SSBP2: variants seen among roughly 807,000 people sequenced by gnomAD.
SSBP2 encodes single-stranded DNA-binding protein 2.
In SSBP2, 17 loss-of-function variants were observed where a neutral mutation model predicts 61.8. That is an observed-to-expected ratio of 0.28 (90% confidence interval 0.19 to 0.41). The LOEUF is 0.41. Among genes scored for constraint, SSBP2 ranks in the 10% least tolerant of loss-of-function variants. The pLI, the probability that SSBP2 is intolerant of heterozygous loss-of-function variation, is 1.00. For missense variants in SSBP2, 310 were observed against 458.7 expected, an observed-to-expected ratio of 0.68 and a Z score of 2.96; for synonymous variants, 139 against 141.3, an observed-to-expected ratio of 0.98 and a Z score of 0.12.
intron 4 of SSBP2, among the ~76,000 whole-genome samples, chr5:81,527,664 G>A (rs974057769): frequency 6.6e-6 from 1 of 151,844 alleles, no homozygotes; most frequent in African/African-American, 2.4e-5. Context: ...TTGACTTTGT[G>A]TGTTAAATTA....
In SSBP2 at chr5:81,581,010, A is replaced by G. The variant is rs190327342; in HGVS notation, c.282+34463T>C. Among the ~76,000 whole-genome samples, 167 of 152,332 alleles carry G rather than the reference A, an allele frequency of 1.1e-3. 1 individual carries two copies. The highest frequency in any genetic ancestry group is 4.0e-3 in the African/African-American group (167 of 41,598). ...TACAAAATATTCTGCTTTTCTAATG[A>G]CAGCATCAAAGAATCCAAGAGAAAG... is the stretch of plus-strand genomic sequence containing the variant. On this transcript the variant is annotated intron_variant, in intron 4 of 16. Coordinates refer to ENST00000320672, the MANE Select transcript of SSBP2 (RefSeq NM_012446.5).
chr5:81,667,154 AT>A (rs1172665080), intron 1 of SSBP2, among the ~76,000 whole-genome samples: 1 of 152,192 alleles, frequency 6.6e-6, no homozygotes, highest in East Asian at 1.9e-4. Context: ...CTCAGGGCAA[AT>A]TCCAGAACAC....
chr5:81,653,998 G>GT (rs144058292), intron 1 of SSBP2, among the ~76,000 whole-genome samples: 50,989 of 146,270 alleles, frequency 0.35, 10,812 homozygotes, highest in Middle Eastern at 0.62. Context: ...TTTTTGTTTT[G>GT]TTTTTTTTTT....
At chr5:81,552,283 A>C (rs1391566359) in intron 4 of SSBP2, among the ~76,000 whole-genome samples, 1 of 152,212 alleles carries the variant, frequency 6.6e-6, no homozygotes, top group Non-Finnish European at 1.5e-5. Flanking sequence ...TAAGAAGTAG[A>C]GTGAACCTAA....
At chr5:81,693,968 T>G (rs1425625404) in intron 1 of SSBP2, among the ~76,000 whole-genome samples, 2 of 151,996 alleles carry the variant, frequency 1.3e-5, no homozygotes, top group Non-Finnish European at 2.9e-5. Context: ...GAAAATATGG[T>G]GCATATACAG....
chr5:81,501,031 T>A (rs1256955440), intron 5 of SSBP2, among the ~76,000 whole-genome samples: 3 of 149,222 alleles, frequency 2.0e-5, no homozygotes, highest in Non-Finnish European at 4.5e-5. Flanking sequence ...CTGGCCAACA[T>A]GGTGAAACCC....
intron 14 of SSBP2, 131 bp from the exon 15 acceptor site, chr5:81,437,589 T>G: frequency 1.3e-6 from 1 of 760,740 alleles, no homozygotes; most frequent in Non-Finnish European, 2.1e-6. Context: ...TTTTTAAATC[T>G]GAAAAAATTC....
At chr5:81,467,466 G>A (rs997197504) in intron 8 of SSBP2, among the ~76,000 whole-genome samples, 2 of 151,712 alleles carry the variant, frequency 1.3e-5, no homozygotes, top group Admixed American at 6.6e-5. Context: ...CAAAACAGGT[G>A]AACCCAACAC....
intron 4 of SSBP2, among the ~76,000 whole-genome samples, chr5:81,559,384 CAAAAAA>C (rs36034616): frequency 9.4e-5 from 9 of 95,960 alleles, no homozygotes; most frequent in Admixed American, 3.4e-4. Flanking sequence ...GAGATTTCAT[CAAAAAA>C]AAAAAAAAAA....
At chr5:81,574,574 C>T (rs1774067793) in intron 4 of SSBP2, among the ~76,000 whole-genome samples, 1 of 151,836 alleles carries the variant, frequency 6.6e-6, no homozygotes, top group Non-Finnish European at 1.5e-5. Context: ...TGATTAAAAA[C>T]CCTGAAGTTA....
intron 4 of SSBP2, among the ~76,000 whole-genome samples, chr5:81,546,852 C>T (rs1771764028): frequency 6.6e-6 from 1 of 151,508 alleles, no homozygotes; most frequent in Non-Finnish European, 1.5e-5. Context: ...ATCTTATGAA[C>T]ATTAAATATA....
At chr5:81,702,216 G>A (rs1158421422) in intron 1 of SSBP2, among the ~76,000 whole-genome samples, 4 of 151,934 alleles carry the variant, frequency 2.6e-5, no homozygotes, top group African/African-American at 7.3e-5. Context: ...ACTAAAATAC[G>A]AAAAATTAGC....
At chr5:81,553,947 CCA>C (rs1772399920) in intron 4 of SSBP2, among the ~76,000 whole-genome samples, 1 of 151,892 alleles carries the variant, frequency 6.6e-6, no homozygotes, top group Admixed American at 6.6e-5. Flanking sequence ...TTGGCTGAGA[CCA>C]CAGTTTCAAC....
At chr5:81,660,831 A>G (rs537217814) in intron 1 of SSBP2, among the ~76,000 whole-genome samples, 2 of 152,352 alleles carry the variant, frequency 1.3e-5, no homozygotes, top group East Asian at 3.9e-4. Context: ...GCAGCCATAA[A>G]AAAGAATGAG....
chr5:81,664,946 GC>G (rs1750988562), intron 1 of SSBP2, among the ~76,000 whole-genome samples: 1 of 152,136 alleles, frequency 6.6e-6, no homozygotes, highest in African/African-American at 2.4e-5. Flanking sequence ...CCAGTGCCAT[GC>G]TATTTTGCTT....
intron 5 of SSBP2, among the ~76,000 whole-genome samples, chr5:81,501,349 G>A (rs1234742500): frequency 2.1e-5 from 3 of 141,350 alleles, no homozygotes; most frequent in African/African-American, 7.7e-5. Context: ...TATACACAAT[G>A]GCTGATAAAA....
intron 3 of SSBP2, among the ~76,000 whole-genome samples, chr5:81,632,937 T>C (rs753985978): frequency 5.3e-5 from 8 of 152,098 alleles, no homozygotes; most frequent in Admixed American, 3.9e-4. Flanking sequence ...AAGTCATTGA[T>C]GGCCTTTCCC....
chr5:81,673,178 T>C (rs10074416), intron 1 of SSBP2, among the ~76,000 whole-genome samples: 7,456 of 152,218 alleles, frequency 0.049, 358 homozygotes, highest in African/African-American at 0.12. Flanking sequence ...CTAAGAAGCA[T>C]TTAGCACCCA....
intron 1 of SSBP2, among the ~76,000 whole-genome samples, chr5:81,653,818 T>C (rs939986960): frequency 2.6e-5 from 4 of 152,132 alleles, no homozygotes; most frequent in African/African-American, 9.7e-5. Context: ...ATTTAAGTTC[T>C]TTGTAGATTC....
Sources: allele counts gnomAD v4.1 joint callset (sites outside exome capture counted in the v4.1 genomes callset), GRCh38; gene constraint gnomAD v4.1.1; transcripts MANE v1.5; gene names NCBI Gene and HGNC (gene_info 2026-07-23, HGNC 2026-07-21).